EP300: variants seen among roughly 807,000 people sequenced by gnomAD.
The protein encoded by EP300 is EP300 lysine acetyltransferase, also known as histone acetyltransferase p300.
Under a neutral mutation model 264.0 loss-of-function variants are expected in EP300, and 31 were observed. The ratio of observed to expected loss-of-function variants is 0.12; its 90% CI spans 0.09 to 0.16. EP300 has a LOEUF of 0.16. Among genes scored for constraint, EP300 ranks in the 10% least tolerant of loss-of-function variants. The pLI, the probability that EP300 is intolerant of heterozygous loss-of-function variation, is 1.00. For synonymous variants in EP300, 1,340 were observed against 1,045.4 expected, an observed-to-expected ratio of 1.28 and a Z score of -5.44; for missense variants, 2,766 against 3,052.9, an observed-to-expected ratio of 0.91 and a Z score of 2.21.
chr22:41,135,176 A>G (rs1029024337), intron 6 of EP300, among the ~76,000 whole-genome samples: 7 of 152,198 alleles, frequency 4.6e-5, no homozygotes, highest in Non-Finnish European at 8.8e-5. Flanking sequence ...CTGGGATTAC[A>G]GGACGCCCAG....
chr22:41,094,359 T>A (rs796353681), intron 1 of EP300, among the ~76,000 whole-genome samples: 7 of 152,342 alleles, frequency 4.6e-5, no homozygotes, highest in African/African-American at 1.7e-4. Context: ...CTAAATAGGC[T>A]TCATTTCAGA....
intron 7 of EP300, among the ~76,000 whole-genome samples, chr22:41,137,186 C>G (rs2058955904): frequency 6.6e-6 from 1 of 151,570 alleles, no homozygotes; most frequent in South Asian, 2.1e-4. Context: ...TGATGAAACC[C>G]CATCTCTACT....
In EP300 at chr22:41,178,100, T is replaced by C. The variant is rs1299853803; in HGVS notation, c.6389T>C (p.Met2130Thr). 14 of 1,613,968 alleles carry C rather than the reference T, an allele frequency of 8.7e-6. No individual in the cohort carries two copies. The highest frequency in any genetic ancestry group is 1.2e-5 in the Non-Finnish European group (14 of 1,179,962). ...CAGGGGGTCCACTCCAATCCAGCCA[T>C]GCAGAACATGAATCCAATGCAGGCG... ...GQQGVHSNPA[M>T]QNMNPMQAGV... Residue 2130 changes from methionine to threonine, a missense_variant, in exon 31 of 31, where the codon ATG (methionine) becomes ACG (threonine). Physicochemically the swap from Met to Thr is moderately conservative, Grantham distance 81. Transcript: ENST00000263253.
At chr22:41,130,778 T>G (rs748188177) in intron 5 of EP300, among the ~76,000 whole-genome samples, 3 of 152,038 alleles carry the variant, frequency 2.0e-5, no homozygotes, top group Non-Finnish European at 2.9e-5. Flanking sequence ...AATATGAGAT[T>G]ATTTTTATAA....
chr22:41,177,235 G>A lies in EP300; in HGVS notation c.5524G>A (p.Gly1842Arg), dbSNP rs1232872137. The change falls in exon 31 of 31, where the codon GGG (glycine) becomes AGG (arginine). Residue 1842 changes from glycine to arginine, a missense_variant. By Grantham distance (125) the Gly-to-Arg change is moderately radical. Coordinates refer to ENST00000263253, the MANE Select transcript of EP300 (RefSeq NM_001429.4). ...MASMQRTGVV[G>R]QQQGLPSPTP... Reference sequence around the variant, plus strand: ...CAGCATGCAGCGGACTGGTGTGGTTGGGCAGCAACAGGGCCTCCCTTCCCC... The same window carrying A: ...CAGCATGCAGCGGACTGGTGTGGTTAGGCAGCAACAGGGCCTCCCTTCCCC... The A allele has an allele frequency of 1.2e-6, 2 of 1,614,076 alleles. No homozygotes were observed. The highest frequency in any genetic ancestry group is 1.7e-6 in the Non-Finnish European group (2 of 1,180,006).
chr22:41,127,287 C>A (rs781623726), intron 3 of EP300, among the ~76,000 whole-genome samples, 200 bp from the exon 4 acceptor site: 1 of 151,984 alleles, frequency 6.6e-6, no homozygotes, highest in Non-Finnish European at 1.5e-5. Context: ...TATATCACTT[C>A]GTAATGTCAT....
chr22:41,103,867 G>A (rs2058744549), intron 1 of EP300, among the ~76,000 whole-genome samples: 1 of 152,142 alleles, frequency 6.6e-6, no homozygotes, highest in Non-Finnish European at 1.5e-5. Context: ...AGGAAGACTA[G>A]GAGTACATTA....
rs3044636 is a variant in EP300 at position 41,113,167 on chromosome 22, C to CCCCA, written c.95-4020_95-4019insCCCA. On this transcript the variant is annotated intron_variant, in intron 1 of 30. Transcript: ENST00000263253. ...TTGAATCAGGATTCCACCCCCCCCC[C>CCCCA]AACTTATGCTATGGATTTGTTGGAG... 1.0e-4 allele frequency among the ~76,000 whole-genome samples: 15 copies of CCCCA among 144,116 alleles called. 2 individuals are homozygous for CCCCA. Among genetic ancestry groups the CCCCA allele is most frequent in the Admixed American group, 3.5e-4 (5 of 14,088 alleles). The allele number at this position is 144,116 out of a possible 152,430, so 94.5% of individuals were successfully genotyped here. A position where few individuals can be genotyped will look rare whatever the true frequency, so the allele number is the denominator to read the frequency against.
intron 14 of EP300, 142 bp downstream of exon 14, chr22:41,150,340 CT>C: frequency 5.7e-6 from 6 of 1,060,042 alleles, no homozygotes; most frequent in Admixed American, 2.1e-5. Flanking sequence ...TCATTAGGGA[CT>C]TTTGTATCCT....
chr22:41,156,092 A>C (rs1473135837), intron 17 of EP300, among the ~76,000 whole-genome samples: 1 of 150,678 alleles, frequency 6.6e-6, no homozygotes, highest in African/African-American at 2.4e-5. Flanking sequence ...GTTCACCTCA[A>C]CCTCCCCCTC....
chr22:41,100,179 G>A (rs1229081785), intron 1 of EP300, among the ~76,000 whole-genome samples: 1 of 152,212 alleles, frequency 6.6e-6, no homozygotes, highest in Non-Finnish European at 1.5e-5. Context: ...AGGTTACAGT[G>A]AGCTATGATG....
Position 41,092,977 on chromosome 22 carries a change from C to G in EP300, c.-28C>G, listed in dbSNP as rs780531296. On this transcript the variant is annotated 5_prime_UTR_variant, in exon 1 of 31. Coordinates refer to ENST00000263253, the MANE Select transcript of EP300 (RefSeq NM_001429.4). ...AGATTTCCTGAGGATTCTGGTTTTCCTCGCTTGTATCTCCGAAAGAATTAA... is the reference window on the plus strand; with the variant it reads ...AGATTTCCTGAGGATTCTGGTTTTCGTCGCTTGTATCTCCGAAAGAATTAA... 6.2e-7 allele frequency: 1 copy of G among 1,613,394 alleles called. No individual in the cohort carries two copies. Among genetic ancestry groups the G allele is most frequent in the South Asian group, 1.1e-5 (1 of 91,068 alleles).
chr22:41,149,282 A>T, intron 13 of EP300, 107 bp downstream of exon 13: 1 of 1,346,784 alleles, frequency 7.4e-7, no homozygotes. Context: ...AAAACAGATG[A>T]TTTTTTAAAA....
At position 41,178,430 on chromosome 22, in the gene EP300, G is replaced by T. The variant is rs763807921; in HGVS notation, c.6719G>T (p.Gly2240Val). ...CAACAGATGCAACAAGGAAATATGG[G>T]ACAGATAGGCCAGCTTCCCCAGGCC... is the stretch of plus-strand genomic sequence containing the variant. The part of the protein sequence containing the change: ...HMQQMQQGNM[G>V]QIGQLPQALG... Residue 2240 changes from glycine (G) to valine (V), a missense_variant, in exon 31 of 31, where the codon GGA (glycine) becomes GTA (valine). Transcript: ENST00000263253. 6.8e-6 allele frequency: 11 copies of T among 1,614,120 alleles called. No individual in the cohort carries two copies. The highest frequency in any genetic ancestry group is 8.5e-6 in the Non-Finnish European group (10 of 1,180,028).
chr22:41,108,505 T>C (rs538440760), intron 1 of EP300, among the ~76,000 whole-genome samples: 59 of 152,288 alleles, frequency 3.9e-4, no homozygotes, highest in Non-Finnish European at 7.8e-4. Flanking sequence ...AGCCTTGGCC[T>C]TCCAAAGTGG....
intron 14 of EP300, among the ~76,000 whole-genome samples, chr22:41,151,498 A>C (rs2145739366): frequency 6.6e-6 from 1 of 152,204 alleles, no homozygotes; most frequent in South Asian, 2.1e-4. Context: ...AGTCTTTCTT[A>C]TTTTCTTTCA....
Position 41,146,833 on chromosome 22 carries a change from ATT to A in EP300, c.2131+23_2131+24del. The A allele has an allele frequency of 6.2e-7, 1 of 1,608,978 alleles. No homozygotes were observed. Among genetic ancestry groups the A allele is most frequent in the Non-Finnish European group, 8.5e-7 (1 of 1,176,744 alleles). The stretch of plus-strand genomic sequence containing the variant: ...CACAATCTGGTAAATAGTGAAAAAA[ATT>A]TTTTTATTTTAAAAGAATCCCCGGT... On this transcript the variant is annotated intron_variant, in intron 11 of 30. Coordinates refer to ENST00000263253, the MANE Select transcript of EP300 (RefSeq NM_001429.4).
rs1164950896 is a variant in EP300, at chr22:41,179,912, A to C, written c.*956A>C. ...CACACACACACACACACACACACACACACACACACACTTTCTATAAAACTT... is the reference window on the plus strand; with the variant it reads ...CACACACACACACACACACACACACCCACACACACACTTTCTATAAAACTT... On this transcript the variant is annotated 3_prime_UTR_variant, in exon 31 of 31. Transcript: ENST00000263253. 1 of 148,042 alleles carries C rather than the reference A, an allele frequency of 6.8e-6. No homozygotes were observed. 9.2% of individuals were successfully genotyped at this position (148,042 alleles called of 1,614,324 possible). A position where few individuals can be genotyped will look rare whatever the true frequency, so the allele number is the denominator to read the frequency against.
At chr22:41,168,923 A>G (rs1394627295) in intron 25 of EP300, 56 bp downstream of exon 25, 4 of 1,606,410 alleles carry the variant, frequency 2.5e-6, no homozygotes, top group Non-Finnish European at 2.6e-6. Context: ...CCAACTTATA[A>G]TAGGTGGAAA....
Sources: gnomAD v4.1 joint callset for allele counts (sites outside exome capture counted in the v4.1 genomes callset) on GRCh38, gnomAD v4.1.1 for gene constraint, MANE v1.5 for transcripts, NCBI Gene and HGNC (gene_info 2026-07-23, HGNC 2026-07-21) for gene names.